The following STAG1 variants were observed in gnomAD, a reference collection of about 807,000 sequenced individuals.
STAG1 encodes the protein STAG1 cohesin complex component, also known as cohesin subunit SA-1.
In STAG1, 26 loss-of-function variants were observed where a neutral mutation model predicts 170.9. That is an observed-to-expected ratio of 0.15 (90% CI 0.11 to 0.21). The LOEUF (loss-of-function observed/expected upper bound fraction) is 0.21. Ranked by LOEUF, STAG1 falls within the 10% of genes least tolerant of loss-of-function variation. STAG1 has a pLI of 1.00. For synonymous variants in STAG1, 514 were observed against 497.7 expected (o/e 1.03, Z -0.44); for missense variants, 964 against 1,509.5 (o/e 0.64, Z 5.99).
intron 19 of STAG1, among the ~76,000 whole-genome samples, chr3:136,422,038 T>C (rs941036754): frequency 6.6e-6 from 1 of 151,140 alleles, no homozygotes; most frequent in African/African-American, 2.4e-5. Flanking sequence ...TCCCAGCTAC[T>C]CAAGAGGCTG....
intron 1 of STAG1, among the ~76,000 whole-genome samples, chr3:136,729,478 A>C (rs983952048): frequency 2.0e-5 from 3 of 152,130 alleles, no homozygotes; most frequent in African/African-American, 7.2e-5. Context: ...TCTTTAACAC[A>C]GTAAATAAGA....
chr3:136,563,341 TTC>T (rs1352638833), intron 5 of STAG1, among the ~76,000 whole-genome samples: 4 of 152,310 alleles, frequency 2.6e-5, no homozygotes, highest in Admixed American at 2.6e-4. Flanking sequence ...AGGTTATTTG[TTC>T]TGTTTGTATT....
chr3:136,512,712 TCA>T (rs779464710), intron 7 of STAG1, among the ~76,000 whole-genome samples: 5 of 149,730 alleles, frequency 3.3e-5, no homozygotes, highest in African/African-American at 4.9e-5. Flanking sequence ...AAGACAGTGA[TCA>T]CTAACAACAA....
chr3:136,409,645 AC>A (rs765128341), intron 21 of STAG1, among the ~76,000 whole-genome samples: 3 of 152,104 alleles, frequency 2.0e-5, no homozygotes, highest in Non-Finnish European at 4.4e-5. Flanking sequence ...CCAAAATGTG[AC>A]TACATTGAAA....
chr3:136,631,165 TA>T (rs1473019422), intron 1 of STAG1, among the ~76,000 whole-genome samples, 184 bp from the exon 2 acceptor site: 1 of 152,178 alleles, frequency 6.6e-6, no homozygotes, highest in African/African-American at 2.4e-5. Flanking sequence ...TGGAAGCAAC[TA>T]AGATGTTCTC....
intron 23 of STAG1, among the ~76,000 whole-genome samples, chr3:136,373,929 T>G (rs1287100162): frequency 6.6e-6 from 1 of 152,168 alleles, no homozygotes; most frequent in Non-Finnish European, 1.5e-5. Flanking sequence ...CTGTCTAATA[T>G]TGACAGTGGG....
At chr3:136,608,423 C>G (rs34884416) in intron 3 of STAG1, among the ~76,000 whole-genome samples, 64 of 149,818 alleles carry the variant, frequency 4.3e-4, no homozygotes, top group Non-Finnish European at 8.1e-4. Flanking sequence ...CCCAGCTGCT[C>G]AGCAGGCTAA....
chr3:136,672,591 A>G (rs972994920), intron 1 of STAG1, among the ~76,000 whole-genome samples: 7 of 152,334 alleles, frequency 4.6e-5, no homozygotes, highest in Admixed American at 6.5e-5. Flanking sequence ...AAAAGCTGCC[A>G]CAAAACACAA....
chr3:136,747,848 C>T (rs1935025417), intron 1 of STAG1, among the ~76,000 whole-genome samples: 1 of 150,384 alleles, frequency 6.6e-6, no homozygotes, highest in South Asian at 2.1e-4. Context: ...ACAATCTCGG[C>T]TCACTGCAAG....
chr3:136,636,954 T>A, intron 1 of STAG1, among the ~76,000 whole-genome samples: 1 of 152,222 alleles, frequency 6.6e-6, no homozygotes, highest in African/African-American at 2.4e-5. Context: ...AATTTAGACA[T>A]GTCAATTAAC....
At chr3:136,644,599 A>G (rs1232228488) in intron 1 of STAG1, among the ~76,000 whole-genome samples, 1 of 152,256 alleles carries the variant, frequency 6.6e-6, no homozygotes, top group East Asian at 1.9e-4. Context: ...TTAGTATAGC[A>G]TAATACAATG....
rs141474846 is a variant in STAG1 at position 136,507,267 on chromosome 3, C to T, written c.677-4488G>A. Among the ~76,000 whole-genome samples, 178 of 152,258 alleles carry T rather than the reference C, an allele frequency of 1.2e-3. 1 individual carries two copies. Among genetic ancestry groups the T allele is most frequent in the African/African-American group, 4.0e-3 (167 of 41,560 alleles). Reference sequence around the variant, plus strand: ...TTTGCATATAACATGTTTAGAAAAACGTAAGAAACTGGCAACTTTGGTTGT... The same window carrying T: ...TTTGCATATAACATGTTTAGAAAAATGTAAGAAACTGGCAACTTTGGTTGT... On this transcript the variant is annotated intron_variant, in intron 7 of 33. Transcript: ENST00000383202.
At chr3:136,446,139 CTTCAT>C (rs1261351676) in intron 14 of STAG1, among the ~76,000 whole-genome samples, 7 of 152,100 alleles carry the variant, frequency 4.6e-5, no homozygotes, top group African/African-American at 7.2e-5. Flanking sequence ...TTTCACTTCT[CTTCAT>C]TTAATTTGAA....
Position 136,363,436 on chromosome 3 carries a change from TC to T in STAG1, c.2716del (p.Glu906LysfsTer3). On this transcript the variant is annotated frameshift_variant, in exon 26 of 34. Coordinates refer to ENST00000383202, the MANE Select transcript of STAG1 (RefSeq NM_005862.3). LOFTEE classifies it high-confidence loss of function. ...AATCTGCCTGGTTTTACTCAGTGTT[TC>T]CTTAATAATATCACCATAGTCATTG... ...YYNDYGDIIK[E>X]TLSKTRQIDK... The T allele has an allele frequency of 6.3e-7, 1 of 1,591,786 alleles. No individual in the cohort carries two copies.
At chr3:136,366,866 C>CT in intron 25 of STAG1, 77 bp downstream of exon 25, 2 of 1,262,578 alleles carry the variant, frequency 1.6e-6, no homozygotes, top group Non-Finnish European at 2.2e-6. Flanking sequence ...TCAATTTTAG[C>CT]TTCTGTCATC....
chr3:136,484,990 G>A (rs1295348744), intron 9 of STAG1, among the ~76,000 whole-genome samples: 4 of 152,190 alleles, frequency 2.6e-5, no homozygotes, highest in African/African-American at 7.2e-5. Flanking sequence ...ACTCCCTAGT[G>A]AGATGAACCC....
chr3:136,733,830 C>T (rs1330889880), intron 1 of STAG1, among the ~76,000 whole-genome samples: 3 of 152,248 alleles, frequency 2.0e-5, no homozygotes, highest in East Asian at 3.9e-4. Context: ...CTTGCAGGCC[C>T]GGCACAGTGG....
At chr3:136,460,690 CA>C (rs1366709754) in intron 13 of STAG1, among the ~76,000 whole-genome samples, 43 of 146,918 alleles carry the variant, frequency 2.9e-4, no homozygotes, top group African/African-American at 7.8e-4. Flanking sequence ...TCTCCCCCCC[CA>C]AAAAAAAAAG....
At chr3:136,525,603 T>G (rs1174106645) in intron 6 of STAG1, among the ~76,000 whole-genome samples, 1 of 152,242 alleles carries the variant, frequency 6.6e-6, no homozygotes, top group Non-Finnish European at 1.5e-5. Flanking sequence ...CCTTCAGTTC[T>G]GCTCTGATCT....
Sources: allele counts gnomAD v4.1 joint callset (sites outside exome capture counted in the v4.1 genomes callset), GRCh38; gene constraint gnomAD v4.1.1; transcripts MANE v1.5; gene names NCBI Gene and HGNC (gene_info 2026-07-23, HGNC 2026-07-21).